TAFA4: variants seen among roughly 807,000 people sequenced by gnomAD.
TAFA4 encodes the protein TAFA chemokine like family member 4, also known as chemokine-like protein TAFA-4.
In TAFA4, 20 loss-of-function variants were observed where a neutral mutation model predicts 21.1. That is an observed-to-expected ratio of 0.95 (90% CI 0.67 to 1.38). TAFA4 has a LOEUF of 1.38. Among genes scored for constraint, TAFA4 ranks in the 40% most tolerant of loss-of-function variants. TAFA4 has a pLI of 0.00. For missense variants in TAFA4, 211 were observed against 180.9 expected, an observed-to-expected ratio of 1.17 and a Z score of -0.95; for synonymous variants, 71 against 67.4, an observed-to-expected ratio of 1.05 and a Z score of -0.26.
At chr3:68,921,763 A>C (rs2090063069) in intron 1 of TAFA4, among the ~76,000 whole-genome samples, 1 of 152,220 alleles carries the variant, frequency 6.6e-6, no homozygotes, top group Admixed American at 6.5e-5. Context: ...TCAGACTCAA[A>C]AGTATATGGA....
chr3:68,892,335 T>G (rs1327787770), intron 1 of TAFA4, among the ~76,000 whole-genome samples: 1 of 152,200 alleles, frequency 6.6e-6, no homozygotes, highest in Non-Finnish European at 1.5e-5. Flanking sequence ...AACTGTCTAT[T>G]AAATATTAAA....
chr3:68,918,154 CAA>C (rs777257679), intron 1 of TAFA4, among the ~76,000 whole-genome samples: 1 of 151,520 alleles, frequency 6.6e-6, no homozygotes, highest in African/African-American at 2.4e-5. Context: ...CACACACACA[CAA>C]ACACATTTCA....
intron 1 of TAFA4, among the ~76,000 whole-genome samples, chr3:68,898,903 C>T (rs978167615): frequency 9.2e-5 from 14 of 152,094 alleles, no homozygotes; most frequent in African/African-American, 2.9e-4. Context: ...AAGGGAGTGT[C>T]GACCAGAAAA....
At chr3:68,800,339 G>T (rs1468043382) in intron 3 of TAFA4, among the ~76,000 whole-genome samples, 1 of 152,118 alleles carries the variant, frequency 6.6e-6, no homozygotes, top group African/African-American at 2.4e-5. Flanking sequence ...AATTTGTGTT[G>T]TTTTGAGCAA....
intron 3 of TAFA4, among the ~76,000 whole-genome samples, chr3:68,816,575 C>A (rs1703982960): frequency 6.6e-6 from 1 of 152,056 alleles, no homozygotes; most frequent in Non-Finnish European, 1.5e-5. Context: ...TTACTGAATT[C>A]ATTTATTAGT....
intron 3 of TAFA4, among the ~76,000 whole-genome samples, chr3:68,760,188 A>T (rs1424654876): frequency 6.6e-6 from 1 of 152,192 alleles, no homozygotes; most frequent in Non-Finnish European, 1.5e-5. Flanking sequence ...TACAACAAAA[A>T]TTGATTGCTT....
chr3:68,781,028 C>A (rs895166370), intron 3 of TAFA4, among the ~76,000 whole-genome samples: 1 of 151,866 alleles, frequency 6.6e-6, no homozygotes, highest in Non-Finnish European at 1.5e-5. Context: ...GTAAACAATA[C>A]ATTCCTAAAT....
At chr3:68,766,164 T>C (rs1702850769) in intron 3 of TAFA4, among the ~76,000 whole-genome samples, 1 of 151,702 alleles carries the variant, frequency 6.6e-6, no homozygotes, top group Admixed American at 6.6e-5. Flanking sequence ...GAGAAAGAGA[T>C]AATGATTAGC....
At chr3:68,911,105 G>T (rs985359381) in intron 1 of TAFA4, among the ~76,000 whole-genome samples, 3 of 152,202 alleles carry the variant, frequency 2.0e-5, no homozygotes, top group Non-Finnish European at 4.4e-5. Context: ...TAAGGGCACG[G>T]TTCACATTCA....
At position 68,785,047 on chromosome 3, in the gene TAFA4, A is replaced by G. The variant is rs1703225631; in HGVS notation, c.131-32029T>C. The stretch of plus-strand genomic sequence containing the variant: ...TGTATTTACAGTCCCTGACCTAGAC[A>G]TAAAGGTTCTCCAAGTCCCCACCAG... On this transcript the variant is annotated intron_variant, in intron 3 of 5. Coordinates refer to ENST00000295569, the MANE Select transcript of TAFA4 (RefSeq NM_182522.5). Among the ~76,000 whole-genome samples the G allele has an allele frequency of 3.9e-5, 6 of 152,140 alleles. No homozygotes were observed. In the South Asian group the frequency reaches 1.3e-3, roughly 32 times the overall value.
chr3:68,897,671 G>A (rs1245201973), intron 1 of TAFA4, among the ~76,000 whole-genome samples: 1 of 151,980 alleles, frequency 6.6e-6, no homozygotes, highest in Non-Finnish European at 1.5e-5. Context: ...TCATTTCAAT[G>A]ATTATTCTTA....
chr3:68,840,463 C>T (rs926325554), intron 3 of TAFA4, among the ~76,000 whole-genome samples: 2 of 152,140 alleles, frequency 1.3e-5, no homozygotes, highest in African/African-American at 4.8e-5. Context: ...GCAATCTACC[C>T]ACCTCAGCCT....
At chr3:68,770,502 A>G (rs1312180218) in intron 3 of TAFA4, among the ~76,000 whole-genome samples, 1 of 152,230 alleles carries the variant, frequency 6.6e-6, no homozygotes. Context: ...AATGGAAATA[A>G]AGCAGAAGCT....
intron 3 of TAFA4, among the ~76,000 whole-genome samples, chr3:68,853,798 T>C (rs1221887038): frequency 3.9e-5 from 6 of 152,152 alleles, no homozygotes; most frequent in South Asian, 2.1e-4. Flanking sequence ...TGTGTGACTT[T>C]TGGCTAGCTG....
intron 3 of TAFA4, among the ~76,000 whole-genome samples, chr3:68,878,603 T>A (rs1301987717): frequency 6.6e-6 from 1 of 152,210 alleles, no homozygotes. Flanking sequence ...TAACAAGAGT[T>A]AGCCCTGGCC....
intron 3 of TAFA4, among the ~76,000 whole-genome samples, chr3:68,811,146 G>T (rs958729584): frequency 1.3e-5 from 2 of 152,114 alleles, no homozygotes; most frequent in Admixed American, 1.3e-4. Context: ...AAACAGAAAG[G>T]ACATCCACAC....
At chr3:68,864,636 T>C (rs538947932) in intron 3 of TAFA4, among the ~76,000 whole-genome samples, 1 of 152,250 alleles carries the variant, frequency 6.6e-6, no homozygotes, top group East Asian at 1.9e-4. Flanking sequence ...GTAACACTTG[T>C]ACAAAATGTT....
At chr3:68,869,706 A>G (rs1387301405) in intron 3 of TAFA4, among the ~76,000 whole-genome samples, 1 of 152,010 alleles carries the variant, frequency 6.6e-6, no homozygotes, top group Non-Finnish European at 1.5e-5. Context: ...CAGAAGGAAC[A>G]CACCTCAAAA....
rs147104762 is a variant in TAFA4 at position 68,818,786 on chromosome 3, T to C, written c.130+61944A>G. On this transcript the variant is annotated intron_variant, in intron 3 of 5. Coordinates refer to ENST00000295569, the MANE Select transcript of TAFA4 (RefSeq NM_182522.5). ...AGTGCATGGTGTACCCCAAAACAAT[T>C]ACAATAGTAATGTCAAAGATCACTG... Among the ~76,000 whole-genome samples, 1,084 of 152,178 alleles carry C rather than the reference T, an allele frequency of 7.1e-3. 14 individuals are homozygous for C. Among genetic ancestry groups the C allele is most frequent in the African/African-American group, 0.024 (1,003 of 41,504 alleles).
Sources: gnomAD v4.1 joint callset for allele counts (sites outside exome capture counted in the v4.1 genomes callset) on GRCh38, gnomAD v4.1.1 for gene constraint, MANE v1.5 for transcripts, NCBI Gene and HGNC (gene_info 2026-07-23, HGNC 2026-07-21) for gene names.